The following DPH6 variants were observed in gnomAD, a reference collection of about 807,000 sequenced individuals.
DPH6 encodes the protein diphthamine biosynthesis 6.
In DPH6, 33 loss-of-function variants were observed where a neutral mutation model predicts 38.2. The observed-to-expected ratio is 0.86, with a 90% CI of 0.65 to 1.15. The LOEUF is 1.15. Among genes scored for constraint, DPH6 ranks in the 50% most tolerant of loss-of-function variants. DPH6 has a pLI of 0.00. For missense variants in DPH6, 325 were observed against 320.0 expected (o/e 1.02, Z -0.12); for synonymous variants, 108 against 103.0 (o/e 1.05, Z -0.30).
chr15:35,237,512 T>G (rs1473744717), intron 3 of DPH6: 78 of 1,559,456 alleles, frequency 5.0e-5, no homozygotes, highest in Non-Finnish European at 6.9e-5. Flanking sequence ...CTTACCGAAG[T>G]TAAACAAACT....
At chr15:35,323,958 T>C (rs188688207) in intron 3 of DPH6, among the ~76,000 whole-genome samples, 3 of 152,310 alleles carry the variant, frequency 2.0e-5, no homozygotes, top group Admixed American at 2.0e-4. Flanking sequence ...AGTTATAATA[T>C]AGGTATTTTG....
At chr15:35,327,615 C>T (rs904381742), downstream of DPH6, among the ~76,000 whole-genome samples, 1 of 152,090 alleles carries the variant, frequency 6.6e-6, no homozygotes, top group South Asian at 2.1e-4. Context: ...CAAGTGCCAC[C>T]GTGCCTGGCC....
the DPH6 span, among the ~76,000 whole-genome samples, chr15:35,159,981 T>C: frequency 6.6e-6 from 1 of 151,954 alleles, no homozygotes; most frequent in Non-Finnish European, 1.5e-5. Context: ...TTCTCACTTA[T>C]AAGGAGCTAA....
At chr15:35,475,864 G>T (rs1415845957) in intron 3 of DPH6, among the ~76,000 whole-genome samples, 4 of 151,704 alleles carry the variant, frequency 2.6e-5, no homozygotes. Flanking sequence ...ATTAAAAAGT[G>T]ATATAAGCCA....
At chr15:35,485,779 T>C (rs759573253) in intron 3 of DPH6, among the ~76,000 whole-genome samples, 2 of 152,208 alleles carry the variant, frequency 1.3e-5, no homozygotes, top group Non-Finnish European at 2.9e-5. Context: ...AGCTTGACAG[T>C]TTACCATTGT....
intron 3 of DPH6, among the ~76,000 whole-genome samples, chr15:35,337,855 C>G (rs1306351753): frequency 6.6e-6 from 1 of 151,998 alleles, no homozygotes; most frequent in African/African-American, 2.4e-5. Context: ...TGGAACAGAA[C>G]AGAGCCCTCA....
chr15:35,170,327 C>A, the DPH6 span, among the ~76,000 whole-genome samples: 2 of 152,120 alleles, frequency 1.3e-5, no homozygotes, highest in African/African-American at 2.4e-5. Flanking sequence ...AGCTACACAG[C>A]GAAATATGCC....
intron 3 of DPH6, among the ~76,000 whole-genome samples, chr15:35,276,673 C>T (rs1353165052): frequency 2.0e-5 from 3 of 152,150 alleles, no homozygotes; most frequent in Admixed American, 6.5e-5. Context: ...TATCCCAGCA[C>T]AATTTGTTGA....
At chr15:35,279,930 G>A (rs2051887488) in intron 3 of DPH6, among the ~76,000 whole-genome samples, 1 of 152,022 alleles carries the variant, frequency 6.6e-6, no homozygotes, top group East Asian at 1.9e-4. Context: ...TAGGACTGAT[G>A]ACCTTATATG....
intron 3 of DPH6, among the ~76,000 whole-genome samples, chr15:35,482,146 C>G (rs1203197396): frequency 6.6e-6 from 1 of 152,168 alleles, no homozygotes; most frequent in Non-Finnish European, 1.5e-5. Context: ...AATCCCCACA[C>G]CCAGCAGCAT....
chr15:35,293,475 GTTTCTC>G (rs1224421521), intron 3 of DPH6, among the ~76,000 whole-genome samples: 1 of 152,132 alleles, frequency 6.6e-6, no homozygotes, highest in Non-Finnish European at 1.5e-5. Context: ...GGAGTCTGTG[GTTTCTC>G]CTTTTATGTG....
At chr15:35,473,947 TGTGTGTGTGTGCGC>T (rs1355004487) in intron 3 of DPH6, among the ~76,000 whole-genome samples, 14 of 42,268 alleles carry the variant, frequency 3.3e-4, no homozygotes, top group South Asian at 3.3e-3. Flanking sequence ...TGTGTGTGTG[TGTGTGTGTGTGCGC>T]GCGCGCGCGT....
intron 3 of DPH6, among the ~76,000 whole-genome samples, chr15:35,314,983 G>C (rs1469651512): frequency 6.6e-6 from 1 of 152,042 alleles, no homozygotes; most frequent in African/African-American, 2.4e-5. Context: ...GTCTGCTGCT[G>C]GTCTGATCCA....
At chr15:35,219,676 G>T (rs958088653) in exon 4 of DPH6, 12 of 152,084 alleles carry the variant, frequency 7.9e-5, no homozygotes, top group African/African-American at 2.4e-4. Flanking sequence ...TATGTTTTTG[G>T]ATGGTAAATA....
intron 5 of DPH6, among the ~76,000 whole-genome samples, chr15:35,426,589 G>A (rs1566905543): frequency 6.6e-6 from 1 of 151,794 alleles, no homozygotes; most frequent in East Asian, 1.9e-4. Flanking sequence ...AGGTTAGTAT[G>A]TGTAGGAGTA....
intron 5 of DPH6, among the ~76,000 whole-genome samples, chr15:35,445,874 T>C (rs1386851254): frequency 6.6e-6 from 1 of 152,230 alleles, no homozygotes; most frequent in Non-Finnish European, 1.5e-5. Context: ...GTGATGCTAA[T>C]CATCTCTGCA....
chr15:35,313,350 AT>A (rs762689514), intron 3 of DPH6, among the ~76,000 whole-genome samples: 3,915 of 140,318 alleles, frequency 0.028, 75 homozygotes, highest in African/African-American at 0.06. Context: ...ACATTTCAGG[AT>A]TTTTTTTTTT....
the DPH6 span, among the ~76,000 whole-genome samples, chr15:35,146,826 C>T: frequency 6.6e-6 from 1 of 152,028 alleles, no homozygotes; most frequent in Non-Finnish European, 1.5e-5. Flanking sequence ...GAATATCTAC[C>T]ATGACCTTAT....
the DPH6 span, among the ~76,000 whole-genome samples, chr15:35,155,531 G>A: frequency 7.2e-5 from 11 of 152,314 alleles, no homozygotes; most frequent in Middle Eastern, 3.4e-3. Flanking sequence ...TCATCAGACT[G>A]CCCTGGTCCA....
Sources: gnomAD v4.1 joint callset for allele counts (sites outside exome capture counted in the v4.1 genomes callset) on GRCh38, gnomAD v4.1.1 for gene constraint, MANE v1.5 for transcripts, NCBI Gene and HGNC (gene_info 2026-07-23, HGNC 2026-07-21) for gene names.